Variants in AP3B1 observed in about 807,000 individuals in gnomAD.
The protein encoded by AP3B1 is adaptor related protein complex 3 subunit beta 1.
AP3B1 carries 61 observed loss-of-function variants against 132.5 expected under a neutral mutation model. The ratio of observed to expected loss-of-function variants is 0.46; its 90% CI spans 0.37 to 0.57. The LOEUF (loss-of-function observed/expected upper bound fraction) is 0.57. AP3B1 is among the 20% of genes least tolerant of loss of function. The pLI, the probability that AP3B1 is intolerant of heterozygous loss-of-function variation, is 0.00. For synonymous variants in AP3B1, 388 were observed against 438.3 expected, an observed-to-expected ratio of 0.89 and a Z score of 1.43; for missense variants, 1,120 against 1,289.4, an observed-to-expected ratio of 0.87 and a Z score of 2.01.
intron 17 of AP3B1, among the ~76,000 whole-genome samples, chr5:78,127,324 A>T (rs1057251551): frequency 2.0e-5 from 3 of 152,208 alleles, no homozygotes; most frequent in Non-Finnish European, 4.4e-5. Flanking sequence ...CACATTTTAA[A>T]GTATTAAATA....
intron 22 of AP3B1, among the ~76,000 whole-genome samples, chr5:78,070,274 G>A (rs1361270327): frequency 1.3e-5 from 2 of 152,036 alleles, no homozygotes; most frequent in African/African-American, 4.8e-5. Context: ...AGGTATCGTG[G>A]TGCACACCTG....
At chr5:78,289,168 A>G (rs943136186) in intron 1 of AP3B1, among the ~76,000 whole-genome samples, 1 of 152,192 alleles carries the variant, frequency 6.6e-6, no homozygotes, top group African/African-American at 2.4e-5. Context: ...GCATTTCTAT[A>G]TGCCTTTCAG....
intron 22 of AP3B1, among the ~76,000 whole-genome samples, chr5:78,049,433 G>A (rs1333765837): frequency 6.6e-6 from 1 of 152,140 alleles, no homozygotes; most frequent in African/African-American, 2.4e-5. Flanking sequence ...CTGTGCTAAG[G>A]AGTATGATAC....
chr5:78,265,646 G>C (rs867861079), intron 2 of AP3B1, among the ~76,000 whole-genome samples: 1 of 152,112 alleles, frequency 6.6e-6, no homozygotes, highest in African/African-American at 2.4e-5. Flanking sequence ...ATCTCCTAGA[G>C]TTCCTTTAAT....
At chr5:78,045,223 A>C (rs1348296942) in intron 22 of AP3B1, among the ~76,000 whole-genome samples, 1 of 152,016 alleles carries the variant, frequency 6.6e-6, no homozygotes, top group Non-Finnish European at 1.5e-5. Flanking sequence ...TCTACTAAAA[A>C]TGGAAAAATT....
At chr5:78,291,420 G>GAAAAAAAAAAAAAA (rs5868911) in intron 1 of AP3B1, among the ~76,000 whole-genome samples, 6 of 85,712 alleles carry the variant, frequency 7.0e-5, no homozygotes, top group Non-Finnish European at 1.3e-4. Context: ...CAGATAATTT[G>GAAAAAAAAAAAAAA]AAAAAAAAAA....
chr5:78,236,564 A>C (rs1173716393), intron 3 of AP3B1, among the ~76,000 whole-genome samples: 2 of 152,210 alleles, frequency 1.3e-5, no homozygotes, highest in African/African-American at 4.8e-5. Flanking sequence ...TTGATCAGCT[A>C]ATTTAACCTT....
At chr5:78,114,066 C>T (rs1473404268) in intron 18 of AP3B1, 143 bp from the exon 19 acceptor site, 2 of 909,934 alleles carry the variant, frequency 2.2e-6, no homozygotes, top group Non-Finnish European at 3.3e-6. Context: ...ATTTTATTCC[C>T]ACACCCCATT....
chr5:78,152,444 A>G (rs1048270719), intron 14 of AP3B1, among the ~76,000 whole-genome samples: 6 of 152,052 alleles, frequency 3.9e-5, no homozygotes, highest in African/African-American at 1.4e-4. Context: ...CATTTCCTCT[A>G]GATTATCCAA....
chr5:78,014,068 C>T (rs892763375), intron 26 of AP3B1, among the ~76,000 whole-genome samples: 3 of 152,164 alleles, frequency 2.0e-5, no homozygotes, highest in African/African-American at 7.2e-5. Flanking sequence ...GAGGCTGAGG[C>T]AGGAGAATGG....
chr5:78,289,128 T>A (rs1473273115), intron 1 of AP3B1, among the ~76,000 whole-genome samples: 1 of 152,162 alleles, frequency 6.6e-6, no homozygotes, highest in Admixed American at 6.5e-5. Context: ...TTCAATAACA[T>A]CCCTCTAAGT....
chr5:78,047,224 G>C (rs1222599961), intron 22 of AP3B1, among the ~76,000 whole-genome samples: 1 of 152,146 alleles, frequency 6.6e-6, no homozygotes, highest in African/African-American at 2.4e-5. Flanking sequence ...CCCAGTAATG[G>C]GATTGCTGGG....
At chr5:78,184,765 C>T (rs1744534742) in intron 7 of AP3B1, among the ~76,000 whole-genome samples, 1 of 151,182 alleles carries the variant, frequency 6.6e-6, no homozygotes, top group African/African-American at 2.4e-5. Flanking sequence ...ATTAATCAAT[C>T]CTGGAAGGAG....
intron 21 of AP3B1, among the ~76,000 whole-genome samples, chr5:78,091,585 G>A (rs988629905): frequency 6.6e-6 from 1 of 152,296 alleles, no homozygotes; most frequent in Admixed American, 6.5e-5. Flanking sequence ...TTCATGAACA[G>A]GAGGGAATGA....
chr5:78,193,732 GTATATATTTTTTTA>G (rs1420408420), intron 7 of AP3B1, among the ~76,000 whole-genome samples: 40 of 89,230 alleles, frequency 4.5e-4, no homozygotes, highest in African/African-American at 1.5e-3. Flanking sequence ...TTAAATATTT[GTATATATTTTTTTA>G]TATATATATA....
intron 20 of AP3B1, among the ~76,000 whole-genome samples, chr5:78,101,569 GCT>G (rs1447270898): frequency 6.6e-6 from 1 of 151,842 alleles, no homozygotes; most frequent in African/African-American, 2.4e-5. Context: ...ACATTCCCAG[GCT>G]CTTTCTTTTT....
intron 20 of AP3B1, among the ~76,000 whole-genome samples, chr5:78,108,244 TTAAAG>T (rs370317160): frequency 7.2e-4 from 110 of 152,344 alleles, no homozygotes; most frequent in Middle Eastern, 3.4e-3. Context: ...TCATGCTAAA[TTAAAG>T]TAAAGTACCC....
intron 6 of AP3B1, among the ~76,000 whole-genome samples, chr5:78,223,079 C>T (rs564345225): frequency 2.0e-4 from 27 of 133,260 alleles, no homozygotes; most frequent in South Asian, 1.7e-3. Context: ...AGGATGGTCT[C>T]GAACTCCTGG....
chr5:78,205,101 A>C (rs1412543750), intron 7 of AP3B1, among the ~76,000 whole-genome samples: 1 of 152,146 alleles, frequency 6.6e-6, no homozygotes, highest in Non-Finnish European at 1.5e-5. Flanking sequence ...ACAGTGAAAA[A>C]CTTGAAAATT....
Sources: allele counts gnomAD v4.1 joint callset (sites outside exome capture counted in the v4.1 genomes callset), GRCh38; gene constraint gnomAD v4.1.1; transcripts MANE v1.5; gene names NCBI Gene and HGNC (gene_info 2026-07-23, HGNC 2026-07-21).